ARFGEF3: variants seen among roughly 807,000 people sequenced by gnomAD.
ARFGEF3 encodes brefeldin A-inhibited guanine nucleotide-exchange protein 3.
Under a neutral mutation model 221.7 loss-of-function variants are expected in ARFGEF3, and 96 were observed. The observed-to-expected ratio is 0.43, with a 90% CI of 0.37 to 0.51. The LOEUF (loss-of-function observed/expected upper bound fraction) is 0.51, where lower values mean the gene tolerates loss of function less well. ARFGEF3 is among the 20% of genes least tolerant of loss of function. ARFGEF3 has a pLI of 0.00. For synonymous variants in ARFGEF3, 1,145 were observed against 1,126.8 expected, an observed-to-expected ratio of 1.02 and a Z score of -0.32; for missense variants, 2,410 against 2,789.9, an observed-to-expected ratio of 0.86 and a Z score of 3.07.
intron 2 of ARFGEF3, among the ~76,000 whole-genome samples, chr6:138,202,830 A>G (rs777962050): frequency 1.3e-5 from 2 of 152,128 alleles, no homozygotes; most frequent in Non-Finnish European, 2.9e-5. Context: ...CAATTTCAAC[A>G]ATAGAATTTT....
chr6:138,281,971 T>C (rs1779203498), intron 14 of ARFGEF3, among the ~76,000 whole-genome samples: 1 of 152,030 alleles, frequency 6.6e-6, no homozygotes, highest in Non-Finnish European at 1.5e-5. Context: ...GTTTGGTTGT[T>C]TTCTTAAGAG....
chr6:138,226,712 T>G (rs1778090968), intron 4 of ARFGEF3, among the ~76,000 whole-genome samples: 1 of 152,258 alleles, frequency 6.6e-6, no homozygotes, highest in African/African-American at 2.4e-5. Flanking sequence ...TGTTGCCCTC[T>G]CATTATGCAA....
intron 15 of ARFGEF3, 122 bp from the exon 16 acceptor site, chr6:138,286,579 T>C: frequency 2.7e-6 from 2 of 738,764 alleles, no homozygotes; most frequent in Non-Finnish European, 4.7e-6. Flanking sequence ...CATTGTTATA[T>C]TTCCTGTTGT....
rs1334583605 is a variant in ARFGEF3 at position 138,223,205 on chromosome 6, C to CT, written c.352-6577dup. Among the ~76,000 whole-genome samples the CT allele has an allele frequency of 7.2e-5, 11 of 152,298 alleles. No individual in the cohort carries two copies. In the East Asian group the frequency reaches 2.1e-3, roughly 29 times the overall value. On this transcript the variant is annotated intron_variant, in intron 4 of 33. Coordinates refer to ENST00000251691, the MANE Select transcript of ARFGEF3 (RefSeq NM_020340.5). ...CATTTGGTGTCTCAGTATTCCTGTG[C>CT]TTGTCACTGAATTTTCTGTTCTTGC...
intron 12 of ARFGEF3, among the ~76,000 whole-genome samples, chr6:138,269,333 C>G (rs188480878): frequency 6.6e-6 from 1 of 152,222 alleles, no homozygotes; most frequent in Non-Finnish European, 1.5e-5. Context: ...GCATTTATGC[C>G]GTTACCAGCC....
intron 33 of ARFGEF3, 98 bp from the exon 34 acceptor site, chr6:138,336,197 C>G (rs1369431816): frequency 1.8e-5 from 16 of 889,618 alleles, no homozygotes; most frequent in Non-Finnish European, 2.3e-5. Context: ...CAACTAAAGC[C>G]TGGAAAAAAA....
At chr6:138,212,976 A>C (rs546628276) in intron 4 of ARFGEF3, among the ~76,000 whole-genome samples, 1 of 152,082 alleles carries the variant, frequency 6.6e-6, no homozygotes, top group Non-Finnish European at 1.5e-5. Context: ...GAAACCTTCA[A>C]TTGTGTACGT....
intron 8 of ARFGEF3, among the ~76,000 whole-genome samples, chr6:138,248,048 A>C (rs932020476): frequency 1.3e-5 from 2 of 152,226 alleles, no homozygotes; most frequent in Non-Finnish European, 2.9e-5. Context: ...GGGTGCTGTC[A>C]GAAAGTAGGC....
In ARFGEF3 at chr6:138,259,807, G is replaced by T. The variant is rs149044712; in HGVS notation, c.1105-1720G>T. Among the ~76,000 whole-genome samples the T allele has an allele frequency of 7.9e-5, 12 of 152,208 alleles. No homozygotes were observed. The East Asian group carries it at 1.9e-3, about 24-fold the overall frequency. ...CGCACACCTGTGGTCCCAGCTACTT[G>T]GGAGGCTGAGACAGGAGAATCGCTT... On this transcript the variant is annotated intron_variant, in intron 10 of 33. Coordinates refer to ENST00000251691, the MANE Select transcript of ARFGEF3 (RefSeq NM_020340.5).
At chr6:138,254,712 T>C (rs1778643328) in intron 9 of ARFGEF3, among the ~76,000 whole-genome samples, 1 of 152,042 alleles carries the variant, frequency 6.6e-6, no homozygotes, top group South Asian at 2.1e-4. Flanking sequence ...CTAGACTCTG[T>C]CTCAAAAATA....
chr6:138,229,305 G>A (rs970526023), intron 4 of ARFGEF3, among the ~76,000 whole-genome samples: 1 of 152,212 alleles, frequency 6.6e-6, no homozygotes, highest in Non-Finnish European at 1.5e-5. Context: ...TTCAACACTT[G>A]CCACCTGTAT....
chr6:138,171,824 A>T, intron 2 of ARFGEF3, among the ~76,000 whole-genome samples: 1 of 152,302 alleles, frequency 6.6e-6, no homozygotes, highest in Admixed American at 6.5e-5. Flanking sequence ...ATGTTCTTCA[A>T]ATTAAAATGT....
At position 138,208,637 on chromosome 6, in the gene ARFGEF3, A is replaced by C. The variant is rs114487596; in HGVS notation, c.220-1273A>C. On this transcript the variant is annotated intron_variant, in intron 3 of 33. Coordinates refer to ENST00000251691, the MANE Select transcript of ARFGEF3 (RefSeq NM_020340.5). ...CAATTGCACCAAGACAGCATGGAGG[A>C]AAATAGCTTAATTGCAGTCCTTGTG... Among the ~76,000 whole-genome samples, 1,513 of 152,282 alleles carry C rather than the reference A, an allele frequency of 9.9e-3. 23 individuals carry two copies. Among genetic ancestry groups the C allele is most frequent in the African/African-American group, 0.034 (1,419 of 41,554 alleles).
chr6:138,296,707 C>T (rs1346605118), intron 20 of ARFGEF3, 103 bp from the exon 21 acceptor site: 3 of 1,357,214 alleles, frequency 2.2e-6, no homozygotes, highest in African/African-American at 2.9e-5. Context: ...ATCGAATTAC[C>T]CTACTGGTCC....
chr6:138,224,310 C>T (rs1375239895), intron 4 of ARFGEF3, among the ~76,000 whole-genome samples: 1 of 152,112 alleles, frequency 6.6e-6, no homozygotes, highest in Non-Finnish European at 1.5e-5. Flanking sequence ...TGATTTTCTC[C>T]CCATCCACAG....
rs112257254 is a variant in ARFGEF3 at position 138,333,421 on chromosome 6, A to AACTT, written c.5124-547_5124-544dup. Among the ~76,000 whole-genome samples, 709 of 152,230 alleles carry AACTT rather than the reference A, an allele frequency of 4.7e-3. 4 individuals are homozygous for AACTT. Among genetic ancestry groups the AACTT allele is most frequent in the African/African-American group, 0.016 (658 of 41,528 alleles). Reference sequence around the variant, plus strand: ...TTGACAACTATTAATTTGGCATAATAACTTATATTCTATAGCTTTGGGAAT... The same window carrying AACTT: ...TTGACAACTATTAATTTGGCATAATAACTTACTTATATTCTATAGCTTTGGGAAT... On this transcript the variant is annotated intron_variant, in intron 32 of 33. Coordinates refer to ENST00000251691, the MANE Select transcript of ARFGEF3 (RefSeq NM_020340.5).
intron 1 of ARFGEF3, among the ~76,000 whole-genome samples, chr6:138,166,794 G>A (rs1776731666): frequency 6.6e-6 from 1 of 152,168 alleles, no homozygotes; most frequent in African/African-American, 2.4e-5. Context: ...AAATGGAGGA[G>A]CGGGGAAAGA....
At chr6:138,307,171 C>T in intron 22 of ARFGEF3, 82 bp from the exon 23 acceptor site, 1 of 1,411,350 alleles carries the variant, frequency 7.1e-7, no homozygotes, top group East Asian at 2.3e-5. Context: ...AAATAGGGGA[C>T]AGAGAAATAC....
chr6:138,196,804 T>C (rs565863190), intron 2 of ARFGEF3, among the ~76,000 whole-genome samples: 1 of 152,292 alleles, frequency 6.6e-6, no homozygotes, highest in Non-Finnish European at 1.5e-5. Context: ...TATATCCTTA[T>C]TCTATAAGCT....
Sources: allele counts gnomAD v4.1 joint callset (sites outside exome capture counted in the v4.1 genomes callset), GRCh38; gene constraint gnomAD v4.1.1; transcripts MANE v1.5; gene names NCBI Gene and HGNC (gene_info 2026-07-23, HGNC 2026-07-21).